Variants in CFAP251 observed in about 807,000 individuals in gnomAD.
CFAP251 encodes cilia and flagella associated protein 251.
CFAP251 carries 93 observed loss-of-function variants against 126.7 expected under a neutral mutation model. The ratio of observed to expected loss-of-function variants is 0.73; its 90% CI spans 0.62 to 0.87. CFAP251 has a LOEUF of 0.87. Ranked by LOEUF, CFAP251 falls within the 40% of genes least tolerant of loss-of-function variation. CFAP251 has a pLI of 0.00. For missense variants in CFAP251, 1,287 were observed against 1,389.2 expected, an observed-to-expected ratio of 0.93 and a Z score of 1.17; for synonymous variants, 503 against 506.9, an observed-to-expected ratio of 0.99 and a Z score of 0.10.
At chr12:121,940,892 C>T (rs190787176) in intron 5 of CFAP251, among the ~76,000 whole-genome samples, 3 of 152,176 alleles carry the variant, frequency 2.0e-5, no homozygotes, top group African/African-American at 4.8e-5. Context: ...TACATACACA[C>T]GCACACACAC....
intron 19 of CFAP251, among the ~76,000 whole-genome samples, chr12:121,991,193 A>G (rs954142321): frequency 2.6e-5 from 4 of 152,170 alleles, no homozygotes; most frequent in Non-Finnish European, 5.9e-5. Context: ...CCATCTATCT[A>G]TCCATTCAGT....
In CFAP251 at chr12:121,942,756, A is replaced by G. The variant is rs1881173969; in HGVS notation, c.1110+111A>G. 11 of 1,252,726 alleles carry G rather than the reference A, an allele frequency of 8.8e-6. No homozygotes were observed. The East Asian group carries it at 1.4e-4, about 16-fold the overall frequency. The allele number at this position is 1,252,726 out of a possible 1,614,324, so 77.6% of individuals were successfully genotyped here. Reference sequence around the variant, plus strand: ...GCTGTGTGATGTCTGTGATATTCTCAAAAGACCAGACTCCACAGCACAGAG... The same window carrying G: ...GCTGTGTGATGTCTGTGATATTCTCGAAAGACCAGACTCCACAGCACAGAG... On this transcript the variant is annotated intron_variant, in intron 6 of 21. Coordinates refer to ENST00000288912, the MANE Select transcript of CFAP251 (RefSeq NM_144668.6).
In CFAP251 at chr12:121,934,171, CCCGG is replaced by C. The variant is rs1880799202; in HGVS notation, c.889-73_889-70del. The C allele has an allele frequency of 2.6e-6, 3 of 1,135,352 alleles. No individual in the cohort carries two copies. In the East Asian group the frequency reaches 7.6e-5, roughly 29 times the overall value. The allele number at this position is 1,135,352 out of a possible 1,614,324, so 70.3% of individuals were successfully genotyped here. On this transcript the variant is annotated intron_variant, in intron 4 of 21. Transcript: ENST00000288912. ...AGGAGCTCAGATCTTTCTGTGGGTC[CCCGG>C]CCTTTGCTGATAGTGGCCAAGGCTG...
chr12:121,980,441 C>T (rs1432097934), intron 19 of CFAP251, among the ~76,000 whole-genome samples: 3 of 149,068 alleles, frequency 2.0e-5, no homozygotes, highest in Admixed American at 1.3e-4. Flanking sequence ...CAGGGTCTCA[C>T]TGTGTCACCT....
rs1433132625 is a variant in CFAP251 at position 121,942,959 on chromosome 12, C to T, written c.1175C>T (p.Thr392Ile). ...CCAGCATGCACTCTCGAACTCCCCA[C>T]AGAGTACGGTGTTCAGGTGAGTTCA... ...ETPACTLELP[T>I]EYGVQNYVTF... is the part of the protein sequence containing the mutation. Residue 392 changes from threonine (T) to isoleucine (I), a missense_variant, in exon 7 of 22, where the codon ACA becomes ATA. By Grantham distance (89) the Thr-to-Ile change is moderately conservative (BLOSUM62 -1). Coordinates refer to ENST00000288912, the MANE Select transcript of CFAP251 (RefSeq NM_144668.6). 1.2e-6 allele frequency: 2 copies of T among 1,614,214 alleles called. No individual in the cohort carries two copies. Among genetic ancestry groups the T allele is most frequent in the Non-Finnish European group, 1.7e-6 (2 of 1,180,034 alleles).
rs749995667 is a variant in CFAP251 at position 121,958,904 on chromosome 12, T to C, written c.1982-39T>C. 4 of 1,551,556 alleles carry C rather than the reference T, an allele frequency of 2.6e-6. No homozygotes were observed. The Admixed American group carries it at 8.4e-5, about 33-fold the overall frequency. ...ACAGACTCAACATCTCTTGAATGAA[T>C]GTAATCCTTTTCCATCGTTCTCTGG... On this transcript the variant is annotated intron_variant, in intron 12 of 21. Coordinates refer to ENST00000288912, the MANE Select transcript of CFAP251 (RefSeq NM_144668.6).
At chr12:121,923,450 T>C (rs1406702756) in intron 2 of CFAP251, among the ~76,000 whole-genome samples, 172 bp from the exon 3 acceptor site, 1 of 152,240 alleles carries the variant, frequency 6.6e-6, no homozygotes, top group African/African-American at 2.4e-5. Flanking sequence ...TGAGCCATTA[T>C]ACCCCATCTT....
At chr12:121,952,415 G>A (rs1192331545) in intron 9 of CFAP251, among the ~76,000 whole-genome samples, 17 of 143,450 alleles carry the variant, frequency 1.2e-4, no homozygotes, top group African/African-American at 4.5e-4. Flanking sequence ...ACAAGACCCT[G>A]TATATAAAAA....
chr12:121,978,348 CGT>C (rs1882525434), intron 19 of CFAP251, among the ~76,000 whole-genome samples: 2 of 135,576 alleles, frequency 1.5e-5, no homozygotes, highest in Admixed American at 1.6e-4. Flanking sequence ...GAGCCGAGAT[CGT>C]GCCACTGCAC....
chr12:121,934,497 C>A, intron 5 of CFAP251, 141 bp downstream of exon 5: 1 of 611,130 alleles, frequency 1.6e-6, no homozygotes, highest in Non-Finnish European at 2.9e-6. Context: ...TATGCTGACT[C>A]ACACTAACCT....
chr12:121,999,808 G>A lies in CFAP251; in HGVS notation c.3099G>A (p.Val1033=), dbSNP rs916267615. The change falls in exon 20 of 22, where the codon GTG becomes GTA. Residue 1033 remains valine, a synonymous_variant. Transcript: ENST00000288912. ...DKINLPDFLK[V]YLNHKPPFGN... Reference sequence around the variant, plus strand: ...TCAACTTACCAGATTTCCTAAAAGTGTACCTTAACCACAAGCCACCTTTTG... The same window carrying A: ...TCAACTTACCAGATTTCCTAAAAGTATACCTTAACCACAAGCCACCTTTTG... 2 of 1,614,078 alleles carry A rather than the reference G, an allele frequency of 1.2e-6. No individual in the cohort carries two copies. The highest frequency in any genetic ancestry group is 1.7e-6 in the Non-Finnish European group (2 of 1,179,998).
At position 121,975,485 on chromosome 12, in the gene CFAP251, G is replaced by A. The variant is rs1041112305; in HGVS notation, c.2863-57G>A. Reference sequence around the variant, plus strand: ...TAGAAAATGTCCTTGAAGTGTTCATGGATGCTTCAGACTTAAGCCTAAATG... The same window carrying A: ...TAGAAAATGTCCTTGAAGTGTTCATAGATGCTTCAGACTTAAGCCTAAATG... On this transcript the variant is annotated intron_variant, in intron 18 of 21. Transcript: ENST00000288912. The A allele has an allele frequency of 5.6e-6, 9 of 1,599,952 alleles. No homozygotes were observed. In the Admixed American group the frequency reaches 8.8e-5, roughly 16 times the overall value.
chr12:121,960,966 A>T (rs1265651667), intron 14 of CFAP251, among the ~76,000 whole-genome samples: 1 of 152,174 alleles, frequency 6.6e-6, no homozygotes, highest in African/African-American at 2.4e-5. Context: ...CTGAACGAGG[A>T]GGCTTCCCGG....
intron 5 of CFAP251, among the ~76,000 whole-genome samples, chr12:121,938,514 G>T (rs1880979096): frequency 6.7e-6 from 1 of 149,638 alleles, no homozygotes; most frequent in Non-Finnish European, 1.5e-5. Context: ...TTTTTTAATA[G>T]ATACAGGGTT....
intron 19 of CFAP251, among the ~76,000 whole-genome samples, chr12:121,996,327 TC>T (rs1363567750): frequency 6.6e-6 from 1 of 152,194 alleles, no homozygotes; most frequent in Non-Finnish European, 1.5e-5. Flanking sequence ...TTGGGAAACA[TC>T]CTAGGTTAAA....
intron 10 of CFAP251, among the ~76,000 whole-genome samples, chr12:121,954,636 T>TGAAAAA (rs1881651364): frequency 2.4e-5 from 1 of 41,980 alleles, no homozygotes. Context: ...CCTCCTGTCT[T>TGAAAAA]AAAAAAAAAA....
At chr12:121,983,281 C>G (rs1400769168) in intron 19 of CFAP251, among the ~76,000 whole-genome samples, 2 of 151,724 alleles carry the variant, frequency 1.3e-5, no homozygotes, top group Non-Finnish European at 2.9e-5. Flanking sequence ...GGAGTCCCAG[C>G]TACCCTGGAG....
At chr12:121,993,023 G>T (rs1201977693) in intron 19 of CFAP251, among the ~76,000 whole-genome samples, 1 of 130,018 alleles carries the variant, frequency 7.7e-6, no homozygotes, top group African/African-American at 3.0e-5. Flanking sequence ...TCCCTCTCAT[G>T]CGGAGCCGAA....
At chr12:121,921,792 C>CTT (rs3040015) in intron 2 of CFAP251, 109 bp downstream of exon 2, 224,347 of 779,034 alleles carry the variant, frequency 0.29, 8,833 homozygotes, top group East Asian at 0.4. Flanking sequence ...CAATCCATTC[C>CTT]TTTTTTTTTT....
Sources: gnomAD v4.1 joint callset for allele counts (sites outside exome capture counted in the v4.1 genomes callset) on GRCh38, gnomAD v4.1.1 for gene constraint, MANE v1.5 for transcripts, NCBI Gene and HGNC (gene_info 2026-07-23, HGNC 2026-07-21) for gene names.